PPM1L: variants seen among roughly 807,000 people sequenced by gnomAD.
PPM1L encodes the protein protein phosphatase 1L.
Under a neutral mutation model 31.4 loss-of-function variants are expected in PPM1L, and 13 were observed. That is an observed-to-expected ratio of 0.41 (90% CI 0.27 to 0.66). The LOEUF (loss-of-function observed/expected upper bound fraction) is 0.66. Ranked by LOEUF, PPM1L falls within the 30% of genes least tolerant of loss-of-function variation. The probability of loss-of-function intolerance (pLI) is 0.29; values close to 1 mark genes in which losing one functional copy is unlikely to be tolerated. For missense variants in PPM1L, 326 were observed against 453.7 expected (o/e 0.72, Z 2.56); for synonymous variants, 184 against 175.4 (o/e 1.05, Z -0.39).
chr3:161,046,960 A>C (rs1719100579), intron 2 of PPM1L, among the ~76,000 whole-genome samples: 2 of 152,230 alleles, frequency 1.3e-5, no homozygotes, highest in South Asian at 4.1e-4. Flanking sequence ...AGAGCTACTT[A>C]TGACAAACCC....
chr3:160,924,690 TC>T (rs1714527010), intron 1 of PPM1L, among the ~76,000 whole-genome samples: 1 of 152,220 alleles, frequency 6.6e-6, no homozygotes, highest in Non-Finnish European at 1.5e-5. Context: ...GCATATGCCT[TC>T]CTCAATCTCA....
chr3:161,027,083 G>C (rs1718421986), intron 2 of PPM1L, among the ~76,000 whole-genome samples: 2 of 152,190 alleles, frequency 1.3e-5, no homozygotes, highest in African/African-American at 4.8e-5. Flanking sequence ...TCACAGAGCT[G>C]TTCTCAGCTT....
intron 1 of PPM1L, among the ~76,000 whole-genome samples, chr3:160,855,255 C>T (rs1055812747): frequency 6.6e-6 from 1 of 152,062 alleles, no homozygotes; most frequent in Non-Finnish European, 1.5e-5. Flanking sequence ...AATATAAAAC[C>T]TAAAGCTATA....
intron 2 of PPM1L, among the ~76,000 whole-genome samples, chr3:161,043,781 C>T (rs923427786): frequency 1.3e-5 from 2 of 152,136 alleles, no homozygotes; most frequent in Non-Finnish European, 2.9e-5. Flanking sequence ...GGAAACATTG[C>T]GTTCTAAATA....
chr3:161,040,676 T>C (rs150107151), intron 2 of PPM1L, among the ~76,000 whole-genome samples: 13 of 152,310 alleles, frequency 8.5e-5, no homozygotes, highest in African/African-American at 3.1e-4. Context: ...TTCTTTTCTA[T>C]GTGAGGACTA....
intron 2 of PPM1L, among the ~76,000 whole-genome samples, chr3:161,038,182 C>T (rs1004853099): frequency 1.5e-5 from 2 of 137,516 alleles, no homozygotes; most frequent in Admixed American, 8.2e-5. Context: ...TGCAGTGAGC[C>T]GAGATCCCGC....
At chr3:160,975,657 T>C (rs191003650) in intron 2 of PPM1L, among the ~76,000 whole-genome samples, 4 of 152,328 alleles carry the variant, frequency 2.6e-5, no homozygotes, top group Admixed American at 6.5e-5. Context: ...AGTTCACTCA[T>C]GATTTGGCTC....
intron 1 of PPM1L, among the ~76,000 whole-genome samples, chr3:160,812,021 G>T (rs1002951493): frequency 1.3e-5 from 2 of 152,162 alleles, no homozygotes; most frequent in Non-Finnish European, 2.9e-5. Context: ...CTGGACTATG[G>T]CATTGCTATT....
At chr3:160,954,988 T>C (rs1176749603) in intron 1 of PPM1L, among the ~76,000 whole-genome samples, 2 of 142,210 alleles carry the variant, frequency 1.4e-5, no homozygotes, top group East Asian at 2.1e-4. Context: ...TCCTTTCCTT[T>C]CCCTCCCTCC....
chr3:161,039,954 A>G (rs992245894), intron 2 of PPM1L, among the ~76,000 whole-genome samples: 1 of 152,128 alleles, frequency 6.6e-6, no homozygotes, highest in Non-Finnish European at 1.5e-5. Context: ...AAATGCTACA[A>G]TCCTGATTTC....
At chr3:160,839,160 C>G (rs567484173) in intron 1 of PPM1L, among the ~76,000 whole-genome samples, 14 of 152,156 alleles carry the variant, frequency 9.2e-5, no homozygotes, top group Non-Finnish European at 1.8e-4. Context: ...CTAAATAAAT[C>G]TTTATTGTTT....
chr3:161,057,156 C>T (rs1175861958), intron 2 of PPM1L, among the ~76,000 whole-genome samples: 1 of 152,110 alleles, frequency 6.6e-6, no homozygotes, highest in African/African-American at 2.4e-5. Flanking sequence ...ATAAATAAGG[C>T]ATATAAATAG....
At chr3:161,023,127 GT>G (rs35722797) in intron 2 of PPM1L, among the ~76,000 whole-genome samples, 140 of 142,926 alleles carry the variant, frequency 9.8e-4, no homozygotes, top group African/African-American at 2.6e-3. Flanking sequence ...CATTATGAGG[GT>G]TTTTTTTTTT....
chr3:160,804,228 G>A (rs116138431), intron 1 of PPM1L, among the ~76,000 whole-genome samples: 7,485 of 152,026 alleles, frequency 0.049, 204 homozygotes, highest in East Asian at 0.072. Flanking sequence ...CACCATGCCC[G>A]GCTGAGATTG....
intron 1 of PPM1L, among the ~76,000 whole-genome samples, chr3:160,844,906 C>T (rs899048135): frequency 2.6e-5 from 4 of 152,004 alleles, no homozygotes; most frequent in African/African-American, 9.7e-5. Flanking sequence ...CTATTTCTCC[C>T]CATCTTCCTT....
chr3:160,808,416 T>TGCGTGTGTGC (rs1188215524), intron 1 of PPM1L, among the ~76,000 whole-genome samples: 4 of 129,276 alleles, frequency 3.1e-5, no homozygotes, highest in Admixed American at 3.0e-4. Flanking sequence ...TGTGTGTGTG[T>TGCGTGTGTGC]GTGTGTGGTG....
intron 1 of PPM1L, among the ~76,000 whole-genome samples, chr3:160,926,189 G>C (rs778432444): frequency 1.3e-5 from 2 of 152,122 alleles, no homozygotes; most frequent in Non-Finnish European, 2.9e-5. Flanking sequence ...TTTCTCTGTG[G>C]ATTCATAATG....
chr3:160,975,740 C>A (rs979547481), intron 2 of PPM1L, among the ~76,000 whole-genome samples: 9 of 152,268 alleles, frequency 5.9e-5, no homozygotes, highest in South Asian at 4.1e-4. Context: ...TGAGACTTTG[C>A]TAAAGTTGCT....
chr3:160,946,699 G>C (rs1055465574), intron 1 of PPM1L, among the ~76,000 whole-genome samples: 1 of 152,128 alleles, frequency 6.6e-6, no homozygotes, highest in African/African-American at 2.4e-5. Flanking sequence ...GGGATTTGGA[G>C]TGGGGAGACC....
Sources: allele counts gnomAD v4.1 joint callset (sites outside exome capture counted in the v4.1 genomes callset), GRCh38; gene constraint gnomAD v4.1.1; transcripts MANE v1.5; gene names NCBI Gene and HGNC (gene_info 2026-07-23, HGNC 2026-07-21).